ZNF266: variants seen among roughly 807,000 people sequenced by gnomAD.
ZNF266 encodes the protein zinc finger protein 1.
Under a neutral mutation model 16.4 loss-of-function variants are expected in ZNF266, and 16 were observed. The observed-to-expected ratio is 0.98, with a 90% CI of 0.66 to 1.48. The LOEUF (loss-of-function observed/expected upper bound fraction) is 1.48, where lower values mean the gene tolerates loss of function less well. Among genes scored for constraint, ZNF266 ranks in the 40% most tolerant of loss-of-function variants. The pLI, the probability that ZNF266 is intolerant of heterozygous loss-of-function variation, is 0.00. For synonymous variants in ZNF266, 262 were observed against 237.9 expected (o/e 1.10, Z -0.93); for missense variants, 738 against 689.1 (o/e 1.07, Z -0.79).
chr19:9,414,312 T>A lies in ZNF266; in HGVS notation c.814A>T (p.Thr272Ser). The change falls in exon 11 of 11, where the codon ACT becomes TCT. Residue 272 changes from threonine to serine, a missense_variant. Transcript: ENST00000592904. ...TTGTAGGGTTTTTCTGACCTGTGAG[T>A]TTGTATACGCACAGCAAGGTCTGTG... ...HSTDLAVRIQTHRSEKPYKCK... is the reference protein window; with the variant it reads ...HSTDLAVRIQSHRSEKPYKCK... 6.2e-7 allele frequency: 1 copy of A among 1,614,066 alleles called. No individual in the cohort carries two copies. Among genetic ancestry groups the A allele is most frequent in the South Asian group, 1.1e-5 (1 of 91,064 alleles).
chr19:9,413,701 A>G lies in ZNF266; in HGVS notation c.1425T>C (p.Phe475=), dbSNP rs202221143. 101 of 1,614,192 alleles carry G rather than the reference A, an allele frequency of 6.3e-5. No individual in the cohort carries two copies. Among genetic ancestry groups the G allele is most frequent in the Middle Eastern group, 3.3e-4 (2 of 6,060 alleles). Residue 475 remains phenylalanine (F), a synonymous_variant, in exon 11 of 11, where the codon TTT becomes TTC. Coordinates refer to ENST00000592904, the MANE Select transcript of ZNF266 (RefSeq NM_001370374.1). ...HTRTHTGEKP[F]ECVKCGKAFA... is the part of the protein sequence containing the mutation. Reference sequence around the variant, plus strand: ...AGGCTTTCCCACATTTGACACATTCAAAAGGCTTCTCTCCAGTGTGAGTTC... The same window carrying G: ...AGGCTTTCCCACATTTGACACATTCGAAAGGCTTCTCTCCAGTGTGAGTTC...
At chr19:9,420,622 T>A (rs992326913) in intron 5 of ZNF266, 28 of 152,002 alleles carry the variant, frequency 1.8e-4, no homozygotes, top group African/African-American at 6.8e-4. Context: ...GGCATGGTAG[T>A]GCATGCCTAT....
At chr19:9,425,522 G>A (rs974398275) in intron 5 of ZNF266, among the ~76,000 whole-genome samples, 24 of 152,210 alleles carry the variant, frequency 1.6e-4, no homozygotes, top group African/African-American at 5.8e-4. Flanking sequence ...TCAGTGTGGT[G>A]AACAGGGTGT....
At chr19:9,420,992 A>C (rs1434583875) in intron 5 of ZNF266, among the ~76,000 whole-genome samples, 1 of 151,700 alleles carries the variant, frequency 6.6e-6, no homozygotes, top group Non-Finnish European at 1.5e-5. Flanking sequence ...CACCCACTCC[A>C]TATAAACCGA....
chr19:9,425,690 A>T (rs1420966599), intron 5 of ZNF266, among the ~76,000 whole-genome samples: 1 of 152,180 alleles, frequency 6.6e-6, no homozygotes, highest in Non-Finnish European at 1.5e-5. Flanking sequence ...GTCTCTGTGA[A>T]GCACTGCCAA....
intron 5 of ZNF266, among the ~76,000 whole-genome samples, chr19:9,430,814 G>A (rs1185759563): frequency 6.6e-6 from 1 of 152,122 alleles, no homozygotes; most frequent in African/African-American, 2.4e-5. Flanking sequence ...AACCACGCTG[G>A]GAAAGCCTGA....
Position 9,412,641 on chromosome 19 carries a change from A to T in ZNF266, c.*634T>A, listed in dbSNP as rs2068434247. ...ATTGCCTCACAGTTCTGGAGCCTGG[A>T]AGTGCAATATCAAGGTGGAGACAGG... is the stretch of plus-strand genomic sequence containing the variant. On this transcript the variant is annotated 3_prime_UTR_variant, in exon 11 of 11. Coordinates refer to ENST00000592904, the MANE Select transcript of ZNF266 (RefSeq NM_001370374.1). 6.6e-6 allele frequency: 1 copy of T among 152,246 alleles called. No homozygotes were observed. The allele number at this position is 152,246 out of a possible 1,614,324, so 9.4% of individuals were successfully genotyped here. A position where few individuals can be genotyped will look rare whatever the true frequency, so the allele number is the denominator to read the frequency against.
At chr19:9,428,553 AG>A (rs1460333200) in intron 5 of ZNF266, among the ~76,000 whole-genome samples, 2 of 152,194 alleles carry the variant, frequency 1.3e-5, no homozygotes, top group Non-Finnish European at 2.9e-5. Flanking sequence ...TCCCTTAGCC[AG>A]GATGTCCCTA....
At chr19:9,420,606 T>C (rs2069709314) in intron 5 of ZNF266, 1 of 151,954 alleles carries the variant, frequency 6.6e-6, no homozygotes, top group Non-Finnish European at 1.5e-5. Context: ...ACACAAAAAT[T>C]AGCTGGGCAT....
Position 9,414,777 on chromosome 19 carries a change from C to T in ZNF266, c.406-57G>A, listed in dbSNP as rs1568403233. ...GACGGTTCAGATTGATTAACAGATT[C>T]CACTCATCTGAAGAGAGGAACACTG... On this transcript the variant is annotated intron_variant, in intron 10 of 10. Transcript: ENST00000592904. 5.4e-6 allele frequency: 8 copies of T among 1,486,704 alleles called. No homozygotes were observed. The East Asian group carries it at 1.8e-4, about 34-fold the overall frequency. The allele number at this position is 1,486,704 out of a possible 1,614,324, so 92.1% of individuals were successfully genotyped here.
intron 9 of ZNF266, among the ~76,000 whole-genome samples, chr19:9,415,981 G>A (rs550689152): frequency 6.6e-6 from 1 of 151,920 alleles, no homozygotes; most frequent in East Asian, 1.9e-4. Flanking sequence ...ATGCCACAAC[G>A]CCCAGCTAAT....
At position 9,414,213 on chromosome 19, in the gene ZNF266, T is replaced by G; in HGVS notation, c.913A>C (p.Asn305His). The change falls in exon 11 of 11, where the codon AAT becomes CAT. Residue 305 changes from asparagine (N) to histidine (H), a missense_variant. Physicochemically the swap from Asn to His is moderately conservative, Grantham distance 68. Transcript: ENST00000592904. ...CCACACTCCTTACACTCATAGGGAT[T>G]GTCTCCAGTGTGGGTTCCCATGTGA... Reference protein sequence around the residue: ...NIHMGTHTGDNPYECKECGKA... With the variant: ...NIHMGTHTGDHPYECKECGKA... 1 of 1,614,220 alleles carries G rather than the reference T, an allele frequency of 6.2e-7. No homozygotes were observed. Among genetic ancestry groups the G allele is most frequent in the Non-Finnish European group, 8.5e-7 (1 of 1,180,032 alleles).
At chr19:9,431,337 A>G (rs1275741107) in intron 5 of ZNF266, among the ~76,000 whole-genome samples, 1 of 152,152 alleles carries the variant, frequency 6.6e-6, no homozygotes, top group Non-Finnish European at 1.5e-5. Flanking sequence ...ACATGCTCAA[A>G]GGACTCCCAC....
chr19:9,415,309 A>G (rs1324565597), intron 10 of ZNF266, among the ~76,000 whole-genome samples: 4 of 152,094 alleles, frequency 2.6e-5, no homozygotes, highest in Admixed American at 1.3e-4. Flanking sequence ...AAAAACAACA[A>G]TAAGTGTCAA....
At chr19:9,426,238 G>A (rs957426613) in intron 5 of ZNF266, among the ~76,000 whole-genome samples, 6 of 151,738 alleles carry the variant, frequency 4.0e-5, no homozygotes, top group East Asian at 1.9e-4. Context: ...CAGAGGACCC[G>A]GGGCCACTCG....
chr19:9,415,273 T>C (rs7249365), intron 10 of ZNF266, among the ~76,000 whole-genome samples: 85,360 of 151,914 alleles, frequency 0.56, 24,227 homozygotes, highest in Middle Eastern at 0.63. Flanking sequence ...CCAGCCTGGG[T>C]GACAGACCAA....
chr19:9,414,351 C>T lies in ZNF266; in HGVS notation c.775G>A (p.Gly259Ser). 2 of 1,614,090 alleles carry T rather than the reference C, an allele frequency of 1.2e-6. No individual in the cohort carries two copies. The highest frequency in any genetic ancestry group is 2.2e-5 in the South Asian group (2 of 91,058). The change falls in exon 11 of 11, where the codon GGC (glycine) becomes AGC (serine). Residue 259 changes from glycine (G) to serine (S), a missense_variant. Transcript: ENST00000592904. ...GCAAGGTCTGTGGAGTGAATAAAGCCTCTCCCACATTCCTTCCATTCATGG... is the reference window on the plus strand; with the variant it reads ...GCAAGGTCTGTGGAGTGAATAAAGCTTCTCCCACATTCCTTCCATTCATGG... ...SLHEWKECGR[G>S]FIHSTDLAVR...
chr19:9,413,786 T>G lies in ZNF266; in HGVS notation c.1340A>C (p.Tyr447Ser), dbSNP rs142200288. ...HARTHSGERP[Y>S]ECKECGKAFA... ...GGCCTTTCCACATTCCTTACATTCATAGGGCCTCTCTCCACTGTGAGTTCG... is the reference window on the plus strand; with the variant it reads ...GGCCTTTCCACATTCCTTACATTCAGAGGGCCTCTCTCCACTGTGAGTTCG... Residue 447 changes from tyrosine to serine, a missense_variant, in exon 11 of 11, where the codon TAT becomes TCT. Coordinates refer to ENST00000592904, the MANE Select transcript of ZNF266 (RefSeq NM_001370374.1). 2.5e-6 allele frequency: 4 copies of G among 1,613,990 alleles called. No individual in the cohort carries two copies. Among genetic ancestry groups the G allele is most frequent in the South Asian group, 1.1e-5 (1 of 91,090 alleles).
chr19:9,434,552 T>G (rs1055865070), intron 3 of ZNF266, among the ~76,000 whole-genome samples: 2 of 152,184 alleles, frequency 1.3e-5, no homozygotes, highest in African/African-American at 4.8e-5. Context: ...GGATAAACAG[T>G]GTCTGCTAGT....
Sources: gnomAD v4.1 joint callset for allele counts (sites outside exome capture counted in the v4.1 genomes callset) on GRCh38, gnomAD v4.1.1 for gene constraint, MANE v1.5 for transcripts, NCBI Gene and HGNC (gene_info 2026-07-23, HGNC 2026-07-21) for gene names.